Variants in FCN2 observed in about 807,000 individuals in gnomAD.
FCN2 encodes the protein ficolin-2.
A neutral mutation model predicts 32.5 loss-of-function variants in FCN2; 31 were observed. The ratio of observed to expected loss-of-function variants is 0.96; its 90% confidence interval spans 0.72 to 1.29. The LOEUF is 1.29. Among genes scored for constraint, FCN2 ranks in the 50% most tolerant of loss-of-function variants. The pLI is 0.00. For synonymous variants in FCN2, 181 were observed against 164.5 expected, an observed-to-expected ratio of 1.10 and a Z score of -0.77; for missense variants, 412 against 406.5, an observed-to-expected ratio of 1.01 and a Z score of -0.12.
the FCN2 span, among the ~76,000 whole-genome samples, chr9:134,870,017 A>ATCGGATCCGACTCTGGTGGT: frequency 6.6e-6 from 1 of 152,144 alleles, no homozygotes; most frequent in Non-Finnish European, 1.5e-5. This position sits in a 1 kb window ranked among gnomAD's most constrained non-coding sequence, Gnocchi z 4.3. Context: ...GAGAGGATGA[A>ATCGGATCCGACTCTGGTGGT]TCGGATCCGA....
At chr9:134,872,992 C>T in the FCN2 span, among the ~76,000 whole-genome samples, 2 of 152,152 alleles carry the variant, frequency 1.3e-5, no homozygotes, top group African/African-American at 2.4e-5. Flanking sequence ...GGTGACGTCT[C>T]ATCACGTTTT....
In FCN2 at chr9:134,884,744, AC is replaced by A; in HGVS notation, c.275del (p.Pro92LeufsTer8). On this transcript the variant is annotated frameshift_variant, in exon 4 of 8. Coordinates refer to ENST00000291744, the MANE Select transcript of FCN2 (RefSeq NM_004108.3). LOFTEE classifies it high-confidence loss of function. ...TCCTCTCTCATCCATGAACAGGAGC[AC>A]CTGGGGAGCCCCAGCCGTGCCTGAC... is the stretch of plus-strand genomic sequence containing the variant. The part of the protein sequence containing the change: ...KAGPPGPNGA[P>X]GEPQPCLTGP... The A allele has an allele frequency of 6.2e-7, 1 of 1,613,888 alleles. No homozygotes were observed.
chr9:134,883,552 C>T (rs1229481563), intron 3 of FCN2, among the ~76,000 whole-genome samples, 197 bp downstream of exon 3: 1 of 127,792 alleles, frequency 7.8e-6, no homozygotes, highest in Non-Finnish European at 1.6e-5. Context: ...TGTGGGTTCT[C>T]AGTCTGGGGG....
chr9:134,878,672 A>G (rs926899430), upstream of FCN2, among the ~76,000 whole-genome samples: 3 of 152,136 alleles, frequency 2.0e-5, no homozygotes, highest in African/African-American at 7.2e-5. Context: ...GGGAAACCCC[A>G]TCTCTACTAA....
rs145302256 is a variant in FCN2, at chr9:134,881,715, G to A, written c.100+794G>A. Among the ~76,000 whole-genome samples the A allele has an allele frequency of 2.8e-3, 420 of 152,318 alleles. 1 individual carries two copies. Among genetic ancestry groups the A allele is most frequent in the African/African-American group, 9.6e-3 (398 of 41,554 alleles). ...TCGCATTCAAGGAGCAATCCGTGGCGTGAAGTGTGACACAGGCCAGGAACA... is the reference window on the plus strand; with the variant it reads ...TCGCATTCAAGGAGCAATCCGTGGCATGAAGTGTGACACAGGCCAGGAACA... On this transcript the variant is annotated intron_variant, in intron 1 of 7. Transcript: ENST00000291744.
intron 3 of FCN2, among the ~76,000 whole-genome samples, chr9:134,883,877 G>A (rs553073091): frequency 7.2e-6 from 1 of 138,222 alleles, no homozygotes; most frequent in Non-Finnish European, 1.6e-5. Context: ...TGTATGGGGG[G>A]GTTCTCAGGT....
chr9:134,864,629 G>A, the FCN2 span, among the ~76,000 whole-genome samples: 1 of 152,158 alleles, frequency 6.6e-6, no homozygotes, highest in East Asian at 1.9e-4. Context: ...TCTCCTTCCT[G>A]TGGACCATGG....
chr9:134,883,991 G>A (rs1325360939), intron 3 of FCN2, among the ~76,000 whole-genome samples: 3 of 150,782 alleles, frequency 2.0e-5, no homozygotes, highest in Non-Finnish European at 4.4e-5. Context: ...GGGGGGGATT[G>A]TCTGCCCACC....
chr9:134,885,184 C>G, intron 4 of FCN2, 55 bp from the exon 5 acceptor site: 1 of 1,612,336 alleles, frequency 6.2e-7, no homozygotes, highest in Non-Finnish European at 8.5e-7. Flanking sequence ...CTCCTACTGC[C>G]TGTGCCCTGC....
At chr9:134,866,826 A>G in the FCN2 span, among the ~76,000 whole-genome samples, 127 of 138,928 alleles carry the variant, frequency 9.1e-4, no homozygotes, top group Non-Finnish European at 9.2e-4. Context: ...AAAAGTGGGC[A>G]AAGGACATGA....
At chr9:134,868,479 G>A in the FCN2 span, 3 of 168,484 alleles carry the variant, frequency 1.8e-5, no homozygotes, top group Admixed American at 1.2e-4. This position sits in a 1 kb window ranked among gnomAD's most constrained non-coding sequence, Gnocchi z 4.3. Flanking sequence ...CACCTAGCCC[G>A]GCGCTGAGGT....
chr9:134,880,742 G>A, upstream of FCN2: 1 of 1,128,176 alleles, frequency 8.9e-7, no homozygotes. Context: ...CTCGGAAGAT[G>A]AGAAATTGGA....
chr9:134,868,697 C>A, the FCN2 span, among the ~76,000 whole-genome samples: 1 of 152,212 alleles, frequency 6.6e-6, no homozygotes, highest in Admixed American at 6.5e-5. This position sits in a 1 kb window ranked among gnomAD's most constrained non-coding sequence, Gnocchi z 4.3. Context: ...CCCAGCGTGC[C>A]TCCCTCACCG....
the FCN2 span, among the ~76,000 whole-genome samples, chr9:134,868,890 G>C: frequency 6.6e-6 from 1 of 152,202 alleles, no homozygotes; most frequent in African/African-American, 2.4e-5. This position sits in a 1 kb window ranked among gnomAD's most constrained non-coding sequence, Gnocchi z 4.3. Context: ...ACAAAGCAGG[G>C]CCACCGTGCC....
At chr9:134,871,216 T>C in the FCN2 span, among the ~76,000 whole-genome samples, 1 of 152,206 alleles carries the variant, frequency 6.6e-6, no homozygotes, top group African/African-American at 2.4e-5. Context: ...GGATCGGCGC[T>C]GAGGACTGGT....
At chr9:134,885,153 G>A in intron 4 of FCN2, 86 bp from the exon 5 acceptor site, 1 of 1,574,494 alleles carries the variant, frequency 6.4e-7, no homozygotes, top group Non-Finnish European at 8.7e-7. Flanking sequence ...CTATGGCCCT[G>A]CTTCTTCCTC....
At chr9:134,881,425 G>A (rs150726084) in intron 1 of FCN2, among the ~76,000 whole-genome samples, 103 of 152,280 alleles carry the variant, frequency 6.8e-4, no homozygotes, top group Non-Finnish European at 1.3e-3. Flanking sequence ...TCCCTGATGC[G>A]GCACAATAAG....
the FCN2 span, among the ~76,000 whole-genome samples, chr9:134,868,085 G>T: frequency 6.6e-6 from 1 of 152,138 alleles, no homozygotes; most frequent in Admixed American, 6.5e-5. This position sits in a 1 kb window ranked among gnomAD's most constrained non-coding sequence, Gnocchi z 4.3. Context: ...CTAGATCGGG[G>T]TGGCCTCCAA....
chr9:134,878,147 G>T (rs1320762527), upstream of FCN2, among the ~76,000 whole-genome samples: 1 of 152,148 alleles, frequency 6.6e-6, no homozygotes, highest in African/African-American at 2.4e-5. Flanking sequence ...GGGTCTCCTT[G>T]CTCCTCAGCT....
Sources: gnomAD v4.1 joint callset for allele counts (sites outside exome capture counted in the v4.1 genomes callset) on GRCh38, gnomAD v4.1.1 for gene constraint, Gnocchi (gnomAD v3.1) non-coding constraint, MANE v1.5 for transcripts, NCBI Gene and HGNC (gene_info 2026-07-23, HGNC 2026-07-21) for gene names.